Variants in PDE8B observed in about 807,000 individuals in gnomAD.
The protein encoded by PDE8B is high affinity cAMP-specific and IBMX-insensitive 3',5'-cyclic phosphodiesterase 8B.
PDE8B carries 26 observed loss-of-function variants against 101.3 expected under a neutral mutation model. The observed-to-expected ratio is 0.26, with a 90% confidence interval of 0.19 to 0.36. The LOEUF is 0.36. Ranked by LOEUF, PDE8B falls within the 10% of genes least tolerant of loss-of-function variation. The probability of loss-of-function intolerance (pLI) is 1.00; values close to 1 mark genes in which losing one functional copy is unlikely to be tolerated. For missense variants in PDE8B, 810 were observed against 1,163.1 expected (o/e 0.70, Z 4.42); for synonymous variants, 424 against 429.3 (o/e 0.99, Z 0.15).
rs1780058624 is a variant in PDE8B, at chr5:77,345,873, A to G, written c.876+942A>G. 1.3e-5 allele frequency among the ~76,000 whole-genome samples: 2 copies of G among 152,156 alleles called. 1 individual carries two copies. The highest frequency in any genetic ancestry group is 4.1e-4 in the South Asian group (2 of 4,822). ...GCGAAGCCCACAGCAGAAGCCTCAC[A>G]TTTGTCTGCCCTGAAATCTCCCAGT... is the stretch of plus-strand genomic sequence containing the variant. On this transcript the variant is annotated intron_variant, in intron 7 of 21. Transcript: ENST00000264917.
chr5:77,097,692 T>TATATATA, the PDE8B span, among the ~76,000 whole-genome samples: 8 of 28,734 alleles, frequency 2.8e-4, no homozygotes, highest in South Asian at 4.1e-3. Context: ...ATTTTATATA[T>TATATATA]CTATATATAT....
intron 1 of PDE8B, chr5:77,290,604 G>C: frequency 6.6e-7 from 1 of 1,508,324 alleles, no homozygotes; most frequent in Admixed American, 1.7e-5. Flanking sequence ...GAAAATCTTA[G>C]TGGAAGGTGT....
intron 1 of PDE8B, 58 bp from the exon 2 acceptor site, chr5:77,311,936 A>T: frequency 2.3e-6 from 3 of 1,300,720 alleles, no homozygotes; most frequent in East Asian, 4.6e-5. Context: ...GTAAGGAAGG[A>T]TGTATCCATT....
intron 17 of PDE8B, among the ~76,000 whole-genome samples, chr5:77,414,820 C>T (rs1795211239): frequency 6.7e-6 from 1 of 150,362 alleles, no homozygotes; most frequent in East Asian, 2.0e-4. Flanking sequence ...AATGCCAAGA[C>T]CAAGGTGATC....
rs755791907 is a variant in PDE8B, at chr5:77,211,303, C to T, written c.339+39C>T. ...GCTGGCACACGCCGTGGGGGCCGTC[C>T]GCCCCGTCGGCGGGGCTCGCACGGG... On this transcript the variant is annotated intron_variant, in intron 1 of 21. Coordinates refer to ENST00000264917, the MANE Select transcript of PDE8B (RefSeq NM_003719.5). The surrounding 1 kb of genome is among the most constrained non-coding windows in gnomAD (Gnocchi z 4.1). The T allele has an allele frequency of 1.1e-5, 17 of 1,514,882 alleles. 1 individual carries two copies. Among genetic ancestry groups the T allele is most frequent in the South Asian group, 7.3e-5 (6 of 82,200 alleles). The allele number at this position is 1,514,882 out of a possible 1,614,324, so 93.8% of individuals were successfully genotyped here. A position where few individuals can be genotyped will look rare whatever the true frequency, so the allele number is the denominator to read the frequency against.
chr5:77,120,764 G>A, the PDE8B span, among the ~76,000 whole-genome samples: 14 of 152,212 alleles, frequency 9.2e-5, no homozygotes, highest in African/African-American at 2.9e-4. Context: ...TGTCAGGACC[G>A]TTGAGGAGTT....
chr5:77,410,860 C>CT (rs1794436240), intron 14 of PDE8B: 1 of 151,852 alleles, frequency 6.6e-6, no homozygotes, highest in Admixed American at 6.6e-5. Flanking sequence ...TATTATTATA[C>CT]TTTAAGTTTT....
At chr5:77,416,618 A>G (rs964525029) in intron 17 of PDE8B, among the ~76,000 whole-genome samples, 5 of 152,208 alleles carry the variant, frequency 3.3e-5, no homozygotes, top group African/African-American at 1.2e-4. Flanking sequence ...GGGTCACCCC[A>G]GGGTTGCTCA....
At chr5:77,424,739 G>A (rs148574809) in intron 20 of PDE8B, among the ~76,000 whole-genome samples, 19 of 152,146 alleles carry the variant, frequency 1.2e-4, no homozygotes, top group Middle Eastern at 3.4e-3. Context: ...CATGTACTTC[G>A]AAGGTCAAGA....
At chr5:77,338,919 G>A (rs143980486) in intron 6 of PDE8B, among the ~76,000 whole-genome samples, 27 of 152,300 alleles carry the variant, frequency 1.8e-4, no homozygotes, top group African/African-American at 4.8e-4. Context: ...GATGGCATAT[G>A]TTAGGTGCCA....
the PDE8B span, among the ~76,000 whole-genome samples, chr5:77,143,255 A>T: frequency 1.3e-5 from 2 of 152,220 alleles, no homozygotes; most frequent in Non-Finnish European, 2.9e-5. Context: ...TCAACCTGAT[A>T]TCATTATTGC....
At position 77,410,125 on chromosome 5, in the gene PDE8B, G is replaced by A. The variant is rs545081879; in HGVS notation, c.1530+1068G>A. Among the ~76,000 whole-genome samples, 11 of 152,354 alleles carry A rather than the reference G, an allele frequency of 7.2e-5. No homozygotes were observed. In the East Asian group the frequency reaches 9.6e-4, roughly 13 times the overall value. ...TCAGCCCGGGAGGGTTCTTGGCCTC[G>A]CCCAGGAAATAATTCAAGGGCAAGC... is the stretch of plus-strand genomic sequence containing the variant. On this transcript the variant is annotated intron_variant, in intron 14 of 21. Transcript: ENST00000264917.
chr5:77,400,264 G>A lies in PDE8B; in HGVS notation c.1184G>A (p.Arg395His), dbSNP rs200569914. The A allele has an allele frequency of 2.3e-5, 37 of 1,604,208 alleles. 1 individual carries two copies. Among genetic ancestry groups the A allele is most frequent in the South Asian group, 1.3e-4 (12 of 90,864 alleles). Reference protein sequence around the residue: ...DNNKQIHKIHRDSGDNSQTEP... With the variant: ...DNNKQIHKIHHDSGDNSQTEP... ...CGACTTTAGATTCACAAGATTCATC[G>A]TGATTCAGGAGACAATTCTCAGACA... Residue 395 changes from arginine to histidine, a missense_variant, in exon 11 of 22, where the codon CGT becomes CAT. Around this residue, in one of 4 missense-constraint regions of PDE8B, gnomAD observed 75 missense variants for 76.9 expected, o/e 0.98. Coordinates refer to ENST00000264917, the MANE Select transcript of PDE8B (RefSeq NM_003719.5).
the PDE8B span, among the ~76,000 whole-genome samples, chr5:77,138,331 G>A: frequency 6.6e-6 from 1 of 152,020 alleles, no homozygotes; most frequent in South Asian, 2.1e-4. Context: ...TTAAATTTTT[G>A]GGACAGGTGA....
Position 77,412,097 on chromosome 5 carries a change from C to T in PDE8B, c.1577-3C>T. Reference sequence around the variant, plus strand: ...GCCTCCCCCATCCCATCTGTTTGCTCAGATGTGCACCAGAGTCACAGTCAC... The same window carrying T: ...GCCTCCCCCATCCCATCTGTTTGCTTAGATGTGCACCAGAGTCACAGTCAC... On this transcript the variant is annotated splice_polypyrimidine_tract_variant and splice_region_variant and intron_variant, in intron 15 of 21. Coordinates refer to ENST00000264917, the MANE Select transcript of PDE8B (RefSeq NM_003719.5). 6.2e-7 allele frequency: 1 copy of T among 1,614,070 alleles called. No individual in the cohort carries two copies. The highest frequency in any genetic ancestry group is 2.2e-5 in the East Asian group (1 of 44,886).
chr5:77,102,876 C>T, the PDE8B span, among the ~76,000 whole-genome samples: 1 of 152,168 alleles, frequency 6.6e-6, no homozygotes, highest in Non-Finnish European at 1.5e-5. Context: ...TGAAGAGACC[C>T]GCTTGGCTGG....
intron 5 of PDE8B, among the ~76,000 whole-genome samples, chr5:77,335,149 A>C (rs1487405368): frequency 6.6e-6 from 1 of 152,238 alleles, no homozygotes; most frequent in Non-Finnish European, 1.5e-5. Context: ...GCAGAAATAG[A>C]AATGACTGTG....
chr5:77,268,187 C>T (rs1457905676), intron 1 of PDE8B, among the ~76,000 whole-genome samples: 1 of 151,796 alleles, frequency 6.6e-6, no homozygotes, highest in Non-Finnish European at 1.5e-5. Flanking sequence ...CTCCCATGTT[C>T]CTCTTTTTTA....
rs1386180818 is a variant in PDE8B, at chr5:77,404,751, G to A, written c.1242G>A (p.Arg414=). The change falls in exon 12 of 22, where the codon AGG becomes AGA. Residue 414 remains arginine (R), a synonymous_variant. Coordinates refer to ENST00000264917, the MANE Select transcript of PDE8B (RefSeq NM_003719.5). ...EPHSFRYKNR[R]KESIDVKSIS... is the part of the protein sequence containing the mutation. The stretch of plus-strand genomic sequence containing the variant: ...ATTCATTCAGATATAAGAACAGGAG[G>A]AAAGAGTCCATTGACGTGAAATCGA... 7.5e-6 allele frequency: 12 copies of A among 1,607,006 alleles called. No homozygotes were observed. The highest frequency in any genetic ancestry group is 1.0e-5 in the Non-Finnish European group (12 of 1,173,736).
Sources: allele counts gnomAD v4.1 joint callset (sites outside exome capture counted in the v4.1 genomes callset), GRCh38; gene constraint gnomAD v4.1.1; regional missense constraint gnomAD v4.1.1; non-coding constraint Gnocchi (gnomAD v3.1); transcripts MANE v1.5; gene names NCBI Gene and HGNC (gene_info 2026-07-23, HGNC 2026-07-21).